The following FBRSL1 variants were observed in gnomAD, a reference collection of about 807,000 sequenced individuals.
FBRSL1 encodes the protein fibrosin-1-like protein.
A neutral mutation model predicts 89.6 loss-of-function variants in FBRSL1; 51 were observed. That is an observed-to-expected ratio of 0.57 (90% CI 0.45 to 0.72). The LOEUF is 0.72. FBRSL1 is among the 30% of genes least tolerant of loss of function. FBRSL1 has a pLI of 0.00. For synonymous variants in FBRSL1, 779 were observed against 681.1 expected (o/e 1.14, Z -2.24); for missense variants, 1,618 against 1,451.8 (o/e 1.11, Z -1.86).
chr12:132,510,188 C>G lies in FBRSL1; in HGVS notation c.489+1838C>G, dbSNP rs180952936. The stretch of plus-strand genomic sequence containing the variant: ...CCCTGCGGCCGCTCATGGGCCCCAA[C>G]AAGCCCTGCAAACCCCAGCCGTTGC... On this transcript the variant is annotated intron_variant, in intron 2 of 18. Coordinates refer to ENST00000680143, the MANE Select transcript of FBRSL1 (RefSeq NM_001367871.1). The G allele has an allele frequency of 4.1e-3, 4,997 of 1,231,666 alleles. 8 individuals carry two copies. The highest frequency in any genetic ancestry group is 4.6e-3 in the Non-Finnish European group (4,580 of 987,850). The allele number at this position is 1,231,666 out of a possible 1,614,324, so 76.3% of individuals were successfully genotyped here.
In FBRSL1 at chr12:132,490,678, C is replaced by G; in HGVS notation, c.108C>G (p.Asp36Glu). The stretch of plus-strand genomic sequence containing the variant: ...GCGCCCAGAGTCCGTCGTCGGGCGA[C>G]GAGCCCGAGCCCAGCCCCGGCAAGG... ...DARAQSPSSG[D>E]EPEPSPGKEN... is the part of the protein sequence containing the mutation. The change falls in exon 1 of 19, where the codon GAC becomes GAG. Residue 36 changes from aspartate to glutamate, a missense_variant. Transcript: ENST00000680143. 4.0e-6 allele frequency: 4 copies of G among 999,540 alleles called. No individual in the cohort carries two copies. The highest frequency in any genetic ancestry group is 4.8e-6 in the Non-Finnish European group (4 of 835,610). The allele number at this position is 999,540 out of a possible 1,614,324, so 61.9% of individuals were successfully genotyped here. A position where few individuals can be genotyped will look rare whatever the true frequency, so the allele number is the denominator to read the frequency against.
Position 132,514,506 on chromosome 12 carries a change from G to T in FBRSL1, c.489+6156G>T, listed in dbSNP as rs73486485. ...GCAGTGATAGGGGACATCCCTAGCA[G>T]TTCACAAAGCTGTGGGGAGACCCCG... On this transcript the variant is annotated intron_variant, in intron 2 of 18. Transcript: ENST00000680143. 1.8e-3 allele frequency among the ~76,000 whole-genome samples: 268 copies of T among 152,388 alleles called. 1 individual carries two copies. Among genetic ancestry groups the T allele is most frequent in the African/African-American group, 6.1e-3 (255 of 41,592 alleles).
chr12:132,505,462 C>T (rs988403312), intron 1 of FBRSL1, among the ~76,000 whole-genome samples: 4 of 152,166 alleles, frequency 2.6e-5, no homozygotes, highest in South Asian at 2.1e-4. Flanking sequence ...ACTCCTGTCC[C>T]GGCCCCACCC....
At chr12:132,530,698 T>C (rs936680540) in intron 4 of FBRSL1, among the ~76,000 whole-genome samples, 1 of 100,174 alleles carries the variant, frequency 1.0e-5, no homozygotes, top group Non-Finnish European at 2.0e-5. Flanking sequence ...GGCACACAAG[T>C]GACAGATGGC....
At chr12:132,508,913 G>T (rs1453991717) in intron 2 of FBRSL1, among the ~76,000 whole-genome samples, 1 of 152,208 alleles carries the variant, frequency 6.6e-6, no homozygotes, top group African/African-American at 2.4e-5. Flanking sequence ...TGTCAGAGCA[G>T]GTGGGGGCTT....
intron 14 of FBRSL1, among the ~76,000 whole-genome samples, chr12:132,575,559 G>C (rs1317766359): frequency 6.6e-6 from 1 of 152,268 alleles, no homozygotes; most frequent in Non-Finnish European, 1.5e-5. Flanking sequence ...TTGCATGTCT[G>C]GGTGGAACTT....
chr12:132,571,630 G>GT (rs2040018640), intron 9 of FBRSL1: 1 of 822,942 alleles, frequency 1.2e-6, no homozygotes. Flanking sequence ...CCAGGAGGAG[G>GT]TGGGGGGCCG....
chr12:132,538,136 G>A (rs966700675), intron 4 of FBRSL1, among the ~76,000 whole-genome samples: 1 of 152,164 alleles, frequency 6.6e-6, no homozygotes, highest in African/African-American at 2.4e-5. Context: ...CTGGGGCCAG[G>A]CCTGGGAGGG....
intron 1 of FBRSL1, among the ~76,000 whole-genome samples, chr12:132,495,476 C>T (rs760052918): frequency 9.2e-5 from 14 of 152,212 alleles, no homozygotes; most frequent in Admixed American, 2.6e-4. Flanking sequence ...GGGCTGAGAC[C>T]GCAGACATTT....
rs2040236266 is a variant in FBRSL1, at chr12:132,574,253, C to T, written c.1600-66C>T. 6 of 1,463,282 alleles carry T rather than the reference C, an allele frequency of 4.1e-6. No homozygotes were observed. In the Admixed American group the frequency reaches 7.9e-5, roughly 19 times the overall value. The allele number at this position is 1,463,282 out of a possible 1,614,324, so 90.6% of individuals were successfully genotyped here. A position where few individuals can be genotyped will look rare whatever the true frequency, so the allele number is the denominator to read the frequency against. ...GTGGCCACAGCAGACGGGCTGTGTC[C>T]CCTGCACCCCCAGGACTCAGCCTCC... is the stretch of plus-strand genomic sequence containing the variant. On this transcript the variant is annotated intron_variant, in intron 12 of 18. Coordinates refer to ENST00000680143, the MANE Select transcript of FBRSL1 (RefSeq NM_001367871.1).
chr12:132,557,308 C>T (rs1177370054), intron 5 of FBRSL1, among the ~76,000 whole-genome samples: 1 of 152,240 alleles, frequency 6.6e-6, no homozygotes, highest in African/African-American at 2.4e-5. Context: ...TAATATCAGC[C>T]TGCTCTCCGG....
intron 4 of FBRSL1, among the ~76,000 whole-genome samples, chr12:132,528,930 G>A (rs1210715949): frequency 1.3e-5 from 2 of 152,276 alleles, no homozygotes; most frequent in East Asian, 3.9e-4. Flanking sequence ...GAGGCTGGGC[G>A]CCGACCCCTG....
intron 1 of FBRSL1, among the ~76,000 whole-genome samples, chr12:132,502,172 CAG>C (rs367799256): frequency 3.3e-5 from 5 of 152,214 alleles, no homozygotes; most frequent in South Asian, 2.1e-4. Flanking sequence ...TCCTTAGGGA[CAG>C]AGGGGGCAGC....
At chr12:132,527,788 C>T (rs1425596711) in intron 3 of FBRSL1, among the ~76,000 whole-genome samples, 165 bp from the exon 4 acceptor site, 2 of 144,732 alleles carry the variant, frequency 1.4e-5, no homozygotes, top group Non-Finnish European at 3.0e-5. Flanking sequence ...GGCTGCCGGG[C>T]AGGGTTGAGG....
At chr12:132,557,676 G>A (rs999992194) in intron 5 of FBRSL1, among the ~76,000 whole-genome samples, 2 of 152,196 alleles carry the variant, frequency 1.3e-5, no homozygotes, top group African/African-American at 2.4e-5. Flanking sequence ...GAGAGGAGCC[G>A]GCCACATTGA....
intron 2 of FBRSL1, chr12:132,510,418 A>G: frequency 8.1e-7 from 1 of 1,231,928 alleles, no homozygotes; most frequent in Non-Finnish European, 1.0e-6. Flanking sequence ...ATGGCCCGTC[A>G]GGCCCCATCT....
At chr12:132,496,255 C>G (rs1284284980) in intron 1 of FBRSL1, among the ~76,000 whole-genome samples, 1 of 152,238 alleles carries the variant, frequency 6.6e-6, no homozygotes, top group Non-Finnish European at 1.5e-5. Context: ...CCCCAGCTGT[C>G]CTTACGGGGA....
intron 2 of FBRSL1, among the ~76,000 whole-genome samples, chr12:132,521,614 A>G (rs2035365427): frequency 6.6e-6 from 1 of 152,178 alleles, no homozygotes; most frequent in African/African-American, 2.4e-5. Flanking sequence ...CCCCTGTAGG[A>G]TAGTCCTTGT....
At chr12:132,509,018 G>T in intron 2 of FBRSL1, 1 of 1,144,400 alleles carries the variant, frequency 8.7e-7, no homozygotes, top group Non-Finnish European at 1.1e-6. Flanking sequence ...CCAGGGTGGG[G>T]CTCTGCGCGG....
Sources: gnomAD v4.1 joint callset for allele counts (sites outside exome capture counted in the v4.1 genomes callset) on GRCh38, gnomAD v4.1.1 for gene constraint, MANE v1.5 for transcripts, NCBI Gene and HGNC (gene_info 2026-07-23, HGNC 2026-07-21) for gene names.